Variants in DMD observed in about 807,000 individuals in gnomAD.
DMD encodes dystrophin.
DMD carries 63 observed loss-of-function variants against 330.1 expected under a neutral mutation model. The ratio of observed to expected loss-of-function variants is 0.19; its 90% CI spans 0.16 to 0.24. The LOEUF is 0.24. Ranked by LOEUF, DMD falls within the 10% of genes least tolerant of loss-of-function variation. The probability of loss-of-function intolerance (pLI) is 1.00; values close to 1 mark genes in which losing one functional copy is unlikely to be tolerated. For missense variants in DMD, 3,344 were observed against 2,684.1 expected (o/e 1.25, Z -5.43); for synonymous variants, 1,223 against 959.8 (o/e 1.27, Z -5.07).
chrX:33,205,612 G>A (rs1382490815), intron 1 of DMD, among the ~76,000 whole-genome samples: 1 of 111,945 alleles, frequency 8.9e-6, no homozygotes, highest in Non-Finnish European at 1.9e-5. Context: ...CTGATTCCAT[G>A]ACAGTCTTAG....
intron 9 of DMD, among the ~76,000 whole-genome samples, chrX:32,678,889 A>C (rs1008807878): frequency 8.9e-6 from 1 of 111,881 alleles, no homozygotes; most frequent in East Asian, 2.8e-4. Flanking sequence ...TAAACATATA[A>C]TTTGCATAAG....
chrX:32,415,411 A>T (rs2098162445), intron 29 of DMD, among the ~76,000 whole-genome samples: 1 of 111,533 alleles, frequency 9.0e-6, no homozygotes, highest in South Asian at 3.7e-4. Context: ...CATTGAAAAG[A>T]CCTCATGTCA....
chrX:31,226,493 T>C (rs73464318), intron 63 of DMD, among the ~76,000 whole-genome samples: 2,382 of 112,085 alleles, frequency 0.021, 68 homozygotes, highest in African/African-American at 0.072. Flanking sequence ...TATATACAGA[T>C]TGCTTCTTGA....
At chrX:31,689,315 T>C (rs1160790275) in intron 52 of DMD, among the ~76,000 whole-genome samples, 1 of 112,064 alleles carries the variant, frequency 8.9e-6, no homozygotes, top group East Asian at 2.8e-4. Flanking sequence ...AGCATTCTTA[T>C]ACACCAATAA....
chrX:32,442,259 G>C (rs978398466), intron 27 of DMD, among the ~76,000 whole-genome samples: 2 of 110,307 alleles, frequency 1.8e-5, no homozygotes, highest in Non-Finnish European at 3.8e-5. Context: ...ACTCAAAATA[G>C]AAGAAAACAA....
At chrX:32,413,440 T>G (rs1269280958) in intron 29 of DMD, among the ~76,000 whole-genome samples, 3 of 111,488 alleles carry the variant, frequency 2.7e-5, no homozygotes, top group Non-Finnish European at 3.8e-5. Context: ...TTCATCATGT[T>G]GCATCTAATC....
rs774151183 is a variant in DMD, at chrX:31,499,489, C to CTTTTTTTTTTTTT, written c.8391-2558_8391-2546dup. ...TAACTGAGACCTAGGGAATTCAGTT[C>CTTTTTTTTTTTTT]TTTTTTTTTTTTTTTTTTGGTGAGA... On this transcript the variant is annotated intron_variant, in intron 56 of 78. Transcript: ENST00000357033. Among the ~76,000 whole-genome samples, 59 of 83,658 alleles carry CTTTTTTTTTTTTT rather than the reference C, an allele frequency of 7.1e-4. 2 individuals are homozygous for CTTTTTTTTTTTTT. The highest frequency in any genetic ancestry group is 2.6e-3 in the African/African-American group (56 of 21,894). The allele number at this position is 83,658 out of a possible 115,157, so 72.6% of individuals were successfully genotyped here. A position where few individuals can be genotyped will look rare whatever the true frequency, so the allele number is the denominator to read the frequency against.
chrX:31,141,827 C>G (rs1487860700), intron 76 of DMD, among the ~76,000 whole-genome samples: 1 of 110,973 alleles, frequency 9.0e-6, no homozygotes, highest in East Asian at 2.8e-4. Flanking sequence ...ATAGCAGAAG[C>G]CAAAGTATGG....
intron 2 of DMD, among the ~76,000 whole-genome samples, chrX:32,983,216 C>CAA (rs2092750661): frequency 9.0e-6 from 1 of 110,694 alleles, no homozygotes; most frequent in Non-Finnish European, 1.9e-5. Context: ...CTCCTAGTGA[C>CAA]TCCCCTAGAG....
At chrX:32,660,241 TAA>T (rs372260402) in intron 9 of DMD, among the ~76,000 whole-genome samples, 10,155 of 106,265 alleles carry the variant, frequency 0.096, 1,090 homozygotes, top group African/African-American at 0.31. Context: ...TATTTTCAAG[TAA>T]AAAAAAAACT....
intron 12 of DMD, among the ~76,000 whole-genome samples, chrX:32,596,490 C>T (rs2055550489): frequency 9.0e-6 from 1 of 110,904 alleles, no homozygotes; most frequent in South Asian, 3.8e-4. Flanking sequence ...TGGCCACTCC[C>T]TCATTCTTGA....
intron 63 of DMD, among the ~76,000 whole-genome samples, chrX:31,251,496 T>C (rs1463270479): frequency 8.9e-6 from 1 of 112,168 alleles, no homozygotes; most frequent in East Asian, 2.8e-4. Context: ...CTTTGTGGAA[T>C]AGCAAATTTT....
At chrX:32,417,978 C>A (rs769416271) in intron 29 of DMD, among the ~76,000 whole-genome samples, 1 of 109,309 alleles carries the variant, frequency 9.1e-6, no homozygotes, top group African/African-American at 3.3e-5. Flanking sequence ...GAAAAAGAGG[C>A]AGTGGAGGTG....
At chrX:32,848,578 T>C (rs1183694954) in intron 3 of DMD, among the ~76,000 whole-genome samples, 2 of 104,203 alleles carry the variant, frequency 1.9e-5, no homozygotes, top group Non-Finnish European at 3.9e-5. Context: ...CGTTTTAGTA[T>C]TAATCTCACA....
At chrX:32,118,625 T>G (rs184520153) in intron 44 of DMD, among the ~76,000 whole-genome samples, 1,559 of 110,697 alleles carry the variant, frequency 0.014, 26 homozygotes, top group African/African-American at 0.049. Context: ...CTCCTACGAG[T>G]GGGGCACAGC....
chrX:32,655,485 G>A (rs907483914), intron 9 of DMD, among the ~76,000 whole-genome samples: 3 of 112,208 alleles, frequency 2.7e-5, no homozygotes, highest in Non-Finnish European at 5.6e-5. Context: ...TAGTTTGATT[G>A]AACTGTGGTC....
chrX:31,964,115 A>C (rs1414890006), intron 45 of DMD, among the ~76,000 whole-genome samples: 1 of 111,836 alleles, frequency 8.9e-6, no homozygotes, highest in East Asian at 2.8e-4. Flanking sequence ...CATGTTTGAC[A>C]TGCATCTCTT....
intron 7 of DMD, among the ~76,000 whole-genome samples, chrX:32,766,592 G>A (rs948973193): frequency 9.0e-6 from 1 of 110,811 alleles, no homozygotes; most frequent in African/African-American, 3.3e-5. Context: ...CAGGTTTTTT[G>A]TGTGGAAATC....
At chrX:32,021,167 C>T (rs760325370) in intron 44 of DMD, among the ~76,000 whole-genome samples, 3 of 112,082 alleles carry the variant, frequency 2.7e-5, no homozygotes, top group East Asian at 5.6e-4. Flanking sequence ...CCCAAATGTC[C>T]ATACGCATGT....
Sources: allele counts gnomAD v4.1 joint callset (sites outside exome capture counted in the v4.1 genomes callset), GRCh38; gene constraint gnomAD v4.1.1; transcripts MANE v1.5; gene names NCBI Gene and HGNC (gene_info 2026-07-23, HGNC 2026-07-21).